TMEM163: variants seen among roughly 807,000 people sequenced by gnomAD.
The protein encoded by TMEM163 is transmembrane protein 163.
Under a neutral mutation model 29.3 loss-of-function variants are expected in TMEM163, and 17 were observed. The observed-to-expected ratio is 0.58, with a 90% CI of 0.40 to 0.87. The LOEUF (loss-of-function observed/expected upper bound fraction) is 0.87, where lower values mean the gene tolerates loss of function less well. Ranked by LOEUF, TMEM163 falls within the 40% of genes least tolerant of loss-of-function variation. TMEM163 has a pLI of 0.00. For synonymous variants in TMEM163, 157 were observed against 160.6 expected (o/e 0.98, Z 0.17); for missense variants, 303 against 381.5 (o/e 0.79, Z 1.71).
At chr2:134,685,912 A>G (rs1226613613) in intron 2 of TMEM163, among the ~76,000 whole-genome samples, 2 of 152,222 alleles carry the variant, frequency 1.3e-5, no homozygotes, top group African/African-American at 4.8e-5. Flanking sequence ...GGCCTAAGCA[A>G]AAAGGAAATG....
At chr2:134,539,158 C>T (rs1190425347) in intron 4 of TMEM163, among the ~76,000 whole-genome samples, 4 of 152,064 alleles carry the variant, frequency 2.6e-5, no homozygotes, top group Non-Finnish European at 5.9e-5. Context: ...TGGGTAGGAA[C>T]GATGATAAGC....
At chr2:134,604,980 G>T (rs1682319366) in intron 2 of TMEM163, among the ~76,000 whole-genome samples, 1 of 152,116 alleles carries the variant, frequency 6.6e-6, no homozygotes, top group African/African-American at 2.4e-5. Context: ...GGGATTTCGA[G>T]ATCAGTCTGG....
In TMEM163 at chr2:134,502,865, G is replaced by A. The variant is rs770919083; in HGVS notation, c.555+36C>T. ...GAGGCAGCCCAGGGGGCCAGCGCTGGCAGGAAGGATTGTTAAGGAAGAAGA... is the reference window on the plus strand; with the variant it reads ...GAGGCAGCCCAGGGGGCCAGCGCTGACAGGAAGGATTGTTAAGGAAGAAGA... On this transcript the variant is annotated intron_variant, in intron 5 of 7. Transcript: ENST00000281924. 3 of 1,599,040 alleles carry A rather than the reference G, an allele frequency of 1.9e-6. No individual in the cohort carries two copies. The East Asian group carries it at 6.7e-5, about 36-fold the overall frequency.
chr2:134,711,403 C>T (rs1164850795), intron 2 of TMEM163, among the ~76,000 whole-genome samples: 3 of 152,064 alleles, frequency 2.0e-5, no homozygotes, highest in Non-Finnish European at 4.4e-5. Context: ...TAAACCAGAA[C>T]AAACTGAAAG....
intron 2 of TMEM163, among the ~76,000 whole-genome samples, chr2:134,598,573 C>A (rs1216711233): frequency 6.6e-6 from 1 of 152,146 alleles, no homozygotes; most frequent in Non-Finnish European, 1.5e-5. Context: ...AGCCACTAGG[C>A]TTTGCTGTGT....
chr2:134,458,421 C>T (rs181767787), intron 6 of TMEM163: 138 of 515,390 alleles, frequency 2.7e-4, no homozygotes, highest in African/African-American at 1.5e-3. Context: ...TGGGAACTGA[C>T]GCCATATGTG....
intron 2 of TMEM163, among the ~76,000 whole-genome samples, chr2:134,639,618 A>T (rs1683184229): frequency 6.6e-6 from 1 of 152,172 alleles, no homozygotes; most frequent in Non-Finnish European, 1.5e-5. Flanking sequence ...TTTTTGTGTA[A>T]CCTTATCCAT....
intron 2 of TMEM163, among the ~76,000 whole-genome samples, chr2:134,580,960 G>C (rs1240833792): frequency 6.6e-6 from 1 of 152,134 alleles, no homozygotes; most frequent in African/African-American, 2.4e-5. Flanking sequence ...TGGTGGTTCT[G>C]GGTTTGACTA....
At chr2:134,637,851 G>T (rs1425391059) in intron 2 of TMEM163, among the ~76,000 whole-genome samples, 2 of 152,202 alleles carry the variant, frequency 1.3e-5, no homozygotes, top group Non-Finnish European at 2.9e-5. Flanking sequence ...GAAGTTTGAT[G>T]ATGTATTTGG....
At chr2:134,519,015 C>T (rs1053724288) in intron 4 of TMEM163, among the ~76,000 whole-genome samples, 3 of 152,194 alleles carry the variant, frequency 2.0e-5, no homozygotes, top group African/African-American at 7.2e-5. Flanking sequence ...CCCAGGACTT[C>T]AACATTCTCC....
intron 5 of TMEM163, chr2:134,469,676 C>A (rs647496): frequency 0.42 from 63,961 of 152,184 alleles, 15,059 homozygotes; most frequent in East Asian, 0.8. Context: ...AGAGAGGGGC[C>A]GCACCGAGCC....
At chr2:134,476,892 A>G (rs1481026858) in intron 5 of TMEM163, among the ~76,000 whole-genome samples, 1 of 152,206 alleles carries the variant, frequency 6.6e-6, no homozygotes, top group Non-Finnish European at 1.5e-5. Context: ...GCCATGCCTC[A>G]TGTTCAATTC....
chr2:134,499,116 C>T (rs773123300), intron 5 of TMEM163, among the ~76,000 whole-genome samples: 4 of 152,086 alleles, frequency 2.6e-5, no homozygotes, highest in Non-Finnish European at 4.4e-5. Context: ...TATTAATATA[C>T]GCATCACTGT....
chr2:134,568,833 A>G (rs1449748111), intron 2 of TMEM163, among the ~76,000 whole-genome samples: 4 of 152,252 alleles, frequency 2.6e-5, no homozygotes, highest in African/African-American at 9.6e-5. Flanking sequence ...TAAAGCAAGG[A>G]GAGTACGACC....
At chr2:134,551,955 A>G (rs1680939941) in intron 3 of TMEM163, 93 bp downstream of exon 3, 3 of 997,146 alleles carry the variant, frequency 3.0e-6, no homozygotes, top group Non-Finnish European at 3.1e-6. Flanking sequence ...GCTCTCATAC[A>G]CTAACCACCC....
intron 2 of TMEM163, among the ~76,000 whole-genome samples, chr2:134,689,913 GGTTTGTTTGTTT>G (rs71400515): frequency 4.6e-5 from 7 of 151,330 alleles, no homozygotes; most frequent in Admixed American, 2.6e-4. Context: ...GCTCCTTTGC[GGTTTGTTTGTTT>G]GTTTGTTTGT....
intron 2 of TMEM163, among the ~76,000 whole-genome samples, chr2:134,556,750 G>A (rs1681057474): frequency 6.6e-6 from 1 of 152,156 alleles, no homozygotes; most frequent in African/African-American, 2.4e-5. Context: ...GAGCCCAGGA[G>A]GTAGAGGTTG....
intron 2 of TMEM163, among the ~76,000 whole-genome samples, chr2:134,645,131 T>C (rs1422222386): frequency 4.6e-5 from 7 of 152,130 alleles, no homozygotes; most frequent in Non-Finnish European, 1.0e-4. Flanking sequence ...TACAAGAATA[T>C]AGAGGAACCA....
intron 5 of TMEM163, among the ~76,000 whole-genome samples, chr2:134,475,806 C>A (rs1216602226): frequency 4.6e-5 from 7 of 151,934 alleles, no homozygotes; most frequent in Non-Finnish European, 8.8e-5. Flanking sequence ...ATTAGAATCA[C>A]CAAAATTAAA....
Sources: gnomAD v4.1 joint callset for allele counts (sites outside exome capture counted in the v4.1 genomes callset) on GRCh38, gnomAD v4.1.1 for gene constraint, MANE v1.5 for transcripts, NCBI Gene and HGNC (gene_info 2026-07-23, HGNC 2026-07-21) for gene names.